MFAP5: variants seen among roughly 807,000 people sequenced by gnomAD.
MFAP5 encodes microfibrillar-associated protein 5.
MFAP5 carries 19 observed loss-of-function variants against 30.1 expected under a neutral mutation model. The observed-to-expected ratio is 0.63, with a 90% CI of 0.44 to 0.93. The LOEUF is 0.93. Among genes scored for constraint, MFAP5 ranks in the 40% least tolerant of loss-of-function variants. MFAP5 has a pLI of 0.00. For missense variants in MFAP5, 210 were observed against 221.3 expected, an observed-to-expected ratio of 0.95 and a Z score of 0.32; for synonymous variants, 92 against 72.9, an observed-to-expected ratio of 1.26 and a Z score of -1.33.
At chr12:8,656,261 C>CAT (rs1293899074) in intron 3 of MFAP5, among the ~76,000 whole-genome samples, 7 of 151,188 alleles carry the variant, frequency 4.6e-5, no homozygotes, top group East Asian at 3.9e-4. Flanking sequence ...GGGGTTTCAC[C>CAT]GTGGTCTCGA....
At position 8,646,371 on chromosome 12, in the gene MFAP5, C is replaced by CT. The variant is rs1941680823; in HGVS notation, c.*1719dup. 1 of 152,140 alleles carries CT rather than the reference C, an allele frequency of 6.6e-6. No homozygotes were observed. Among genetic ancestry groups the CT allele is most frequent in the Admixed American group, 6.5e-5 (1 of 15,268 alleles). 9.4% of individuals were successfully genotyped at this position (152,140 alleles called of 1,614,324 possible). ...TCCACTGTCATATATAACTTGTTGT[C>CT]TCCTAGCTCCTATTTGAATTCCATT... On this transcript the variant is annotated 3_prime_UTR_variant, in exon 10 of 10. Transcript: ENST00000359478.
chr12:8,649,534 G>A lies in MFAP5; in HGVS notation c.376C>T (p.Arg126Cys), dbSNP rs540639689. ...GCTTCGTGTTCCTTACAGACAAGAC[G>A]AGAGCAGATCTCCTTGTTGACGATG... ...MYIVNKEICS[R>C]LVCKEHEAMK... Residue 126 changes from arginine (R) to cysteine (C), a missense_variant, in exon 9 of 10, where the codon CGT becomes TGT. By Grantham distance (180) the Arg-to-Cys change is radical (BLOSUM62 -3). Transcript: ENST00000359478. 33 of 1,613,886 alleles carry A rather than the reference G, an allele frequency of 2.0e-5. No homozygotes were observed. The highest frequency in any genetic ancestry group is 2.5e-5 in the Non-Finnish European group (30 of 1,179,994).
chr12:8,653,165 C>G (rs764450198), intron 6 of MFAP5, among the ~76,000 whole-genome samples: 7 of 149,892 alleles, frequency 4.7e-5, no homozygotes, highest in Non-Finnish European at 1.0e-4. Flanking sequence ...GCACTCCAGC[C>G]TGGGCAACAA....
chr12:8,651,532 C>G, intron 7 of MFAP5, 130 bp downstream of exon 7: 1 of 934,176 alleles, frequency 1.1e-6, no homozygotes, highest in Non-Finnish European at 1.7e-6. Flanking sequence ...GAGTGAAGAA[C>G]ACTAATACTC....
Position 8,660,716 on chromosome 12 carries a change from T to C in MFAP5, c.94+147A>G, listed in dbSNP as rs78113649. On this transcript the variant is annotated intron_variant, in intron 3 of 9. Coordinates refer to ENST00000359478, the MANE Select transcript of MFAP5 (RefSeq NM_003480.4). Reference sequence around the variant, plus strand: ...TGAAGTTGATCCTATTTCTCACACTTTGGCAATGCATCTCTTTGTTGTAGG... The same window carrying C: ...TGAAGTTGATCCTATTTCTCACACTCTGGCAATGCATCTCTTTGTTGTAGG... 2,447 of 657,378 alleles carry C rather than the reference T, an allele frequency of 3.7e-3. 39 individuals carry two copies. In the African/African-American group the frequency reaches 0.041, roughly 11 times the overall value. 40.7% of individuals were successfully genotyped at this position (657,378 alleles called of 1,614,324 possible). A position where few individuals can be genotyped will look rare whatever the true frequency, so the allele number is the denominator to read the frequency against.
rs878992996 is a variant in MFAP5, at chr12:8,646,130, G to T, written c.*1961C>A. Reference sequence around the variant, plus strand: ...ATCTTGGAAACTCTGTGCCTATGAGGTTTCTCTAAAGTGGCTAAAATATGC... The same window carrying T: ...ATCTTGGAAACTCTGTGCCTATGAGTTTTCTCTAAAGTGGCTAAAATATGC... On this transcript the variant is annotated 3_prime_UTR_variant, in exon 10 of 10. Transcript: ENST00000359478. 6.6e-6 allele frequency: 1 copy of T among 152,586 alleles called. No individual in the cohort carries two copies. The highest frequency in any genetic ancestry group is 1.5e-5 in the Non-Finnish European group (1 of 68,026). 9.5% of individuals were successfully genotyped at this position (152,586 alleles called of 1,614,324 possible). A position where few individuals can be genotyped will look rare whatever the true frequency, so the allele number is the denominator to read the frequency against.
Position 8,656,599 on chromosome 12 carries a change from C to T in MFAP5, c.95-769G>A, listed in dbSNP as rs1375161333. Among the ~76,000 whole-genome samples the T allele has an allele frequency of 5.6e-4, 76 of 136,902 alleles. 2 individuals are homozygous for T. Among genetic ancestry groups the T allele is most frequent in the African/African-American group, 2.4e-3 (74 of 31,426 alleles). 89.8% of individuals were successfully genotyped at this position (136,902 alleles called of 152,430 possible). A position where few individuals can be genotyped will look rare whatever the true frequency, so the allele number is the denominator to read the frequency against. On this transcript the variant is annotated intron_variant, in intron 3 of 9. Coordinates refer to ENST00000359478, the MANE Select transcript of MFAP5 (RefSeq NM_003480.4). ...ATATATATATATATATATACACACACACACACACACATATATATACACACA... is the reference window on the plus strand; with the variant it reads ...ATATATATATATATATATACACACATACACACACACATATATATACACACA...
intron 9 of MFAP5, chr12:8,648,405 C>T: frequency 1.1e-6 from 1 of 944,314 alleles, no homozygotes; most frequent in Non-Finnish European, 1.5e-6. Flanking sequence ...CCTCACTATC[C>T]CTTTCTGTAA....
chr12:8,660,899 C>G lies in MFAP5; in HGVS notation c.59-1G>C. 6.2e-7 allele frequency: 1 copy of G among 1,611,678 alleles called. No individual in the cohort carries two copies. The highest frequency in any genetic ancestry group is 1.1e-5 in the South Asian group (1 of 90,964). ...CTATTGACCCCCAGGGGTATCCAGT[C>G]TATAGCAAAGGAAGAGAAAAGAGAT... On this transcript the variant is annotated splice_acceptor_variant, in intron 2 of 9. Coordinates refer to ENST00000359478, the MANE Select transcript of MFAP5 (RefSeq NM_003480.4). LOFTEE classifies it high-confidence loss of function.
Position 8,650,337 on chromosome 12 carries a change from A to G in MFAP5, c.335+165T>C, listed in dbSNP as rs764802693. ...GCCTGTTCTTTGTACACTTCAGCCC[A>G]TACTCCAGGTTCTAGTTGGTACATT... On this transcript the variant is annotated intron_variant, in intron 8 of 9. Transcript: ENST00000359478. 4.5e-5 allele frequency: 29 copies of G among 641,460 alleles called. No homozygotes were observed. The Middle Eastern group carries it at 1.1e-3, about 24-fold the overall frequency. 39.7% of individuals were successfully genotyped at this position (641,460 alleles called of 1,614,324 possible).
In MFAP5 at chr12:8,655,802, TG is replaced by T. The variant is rs1941965788; in HGVS notation, c.122del (p.Thr41AsnfsTer9). The T allele has an allele frequency of 5.0e-6, 8 of 1,611,800 alleles. No homozygotes were observed. Among genetic ancestry groups the T allele is most frequent in the African/African-American group, 4.0e-5 (3 of 75,052 alleles). On this transcript the variant is annotated frameshift_variant, in exon 4 of 10. Transcript: ENST00000359478. LOFTEE classifies it high-confidence loss of function. The stretch of plus-strand genomic sequence containing the variant: ...GTAGCTTACTAGGATCTTCTGTGAA[TG>T]TTTCTGGAGTCGCTTGAGTCACATC... ...GDDVTQATPETFTEDPNLVND... is the reference protein window; with the variant it reads ...GDDVTQATPEXFTEDPNLVND...
At chr12:8,657,897 C>G (rs1370205828) in intron 3 of MFAP5, among the ~76,000 whole-genome samples, 1 of 151,988 alleles carries the variant, frequency 6.6e-6, no homozygotes, top group Non-Finnish European at 1.5e-5. Context: ...ACTTCAGATT[C>G]TATTAATAAA....
chr12:8,657,452 T>C (rs1398152836), intron 3 of MFAP5, among the ~76,000 whole-genome samples: 4 of 151,138 alleles, frequency 2.6e-5, no homozygotes, highest in Non-Finnish European at 4.4e-5. Flanking sequence ...GTAATAACAA[T>C]AAAATAAATA....
intron 8 of MFAP5, among the ~76,000 whole-genome samples, chr12:8,649,991 T>C (rs1488047221): frequency 6.6e-6 from 1 of 152,210 alleles, no homozygotes; most frequent in East Asian, 1.9e-4. Flanking sequence ...TTTTGCCTCC[T>C]CATAGCTTAG....
intron 9 of MFAP5, among the ~76,000 whole-genome samples, chr12:8,648,708 T>G (rs575380919): frequency 2.0e-4 from 31 of 152,218 alleles, no homozygotes; most frequent in Non-Finnish European, 3.1e-4. Context: ...CCCTTGCAGG[T>G]GGCTTGCACA....
intron 6 of MFAP5, 125 bp downstream of exon 6, chr12:8,654,312 A>G: frequency 1.2e-6 from 1 of 866,572 alleles, no homozygotes; most frequent in Non-Finnish European, 1.8e-6. Flanking sequence ...TACTGGAAAT[A>G]TGTGCTCCAT....
At chr12:8,654,579 A>C in intron 5 of MFAP5, 98 bp from the exon 6 acceptor site, 1 of 1,139,218 alleles carries the variant, frequency 8.8e-7, no homozygotes, top group Non-Finnish European at 1.3e-6. Context: ...GGCAGGTGGA[A>C]GACTATGTCT....
At chr12:8,656,149 C>T (rs1355185152) in intron 3 of MFAP5, among the ~76,000 whole-genome samples, 1 of 150,872 alleles carries the variant, frequency 6.6e-6, no homozygotes, top group Non-Finnish European at 1.5e-5. Context: ...CAAGCTCCGC[C>T]TCCCGGGTTC....
chr12:8,649,501 C>T lies in MFAP5; in HGVS notation c.409G>A (p.Asp137Asn), dbSNP rs1565521860. The T allele has an allele frequency of 6.2e-7, 1 of 1,613,486 alleles. No individual in the cohort carries two copies. The highest frequency in any genetic ancestry group is 8.5e-7 in the Non-Finnish European group (1 of 1,179,644). ...ATTAAACATCCAGACATCATCTTAC[C>T]TTTCATAGCTTCGTGTTCCTTACAG... ...LVCKEHEAMKDELCRQMAGLP... is the reference protein window; with the variant it reads ...LVCKEHEAMKNELCRQMAGLP... Residue 137 changes from aspartate (D) to asparagine (N), a missense_variant and splice_region_variant, in exon 9 of 10, where the codon GAT becomes AAT. Asp to Asn is a conservative substitution (Grantham distance 23). Coordinates refer to ENST00000359478, the MANE Select transcript of MFAP5 (RefSeq NM_003480.4).
Sources: allele counts gnomAD v4.1 joint callset (sites outside exome capture counted in the v4.1 genomes callset), GRCh38; gene constraint gnomAD v4.1.1; transcripts MANE v1.5; gene names NCBI Gene and HGNC (gene_info 2026-07-23, HGNC 2026-07-21).